CHEK1: variants seen among roughly 807,000 people sequenced by gnomAD.
CHEK1 encodes checkpoint kinase 1, also known as serine/threonine-protein kinase Chk1.
Under a neutral mutation model 60.2 loss-of-function variants are expected in CHEK1, and 32 were observed. The ratio of observed to expected loss-of-function variants is 0.53; its 90% CI spans 0.40 to 0.71. The LOEUF is 0.71. Ranked by LOEUF, CHEK1 falls within the 30% of genes least tolerant of loss-of-function variation. CHEK1 has a pLI of 0.00. For missense variants in CHEK1, 399 were observed against 564.6 expected (o/e 0.71, Z 2.97); for synonymous variants, 179 against 187.2 (o/e 0.96, Z 0.36).
intron 13 of CHEK1, among the ~76,000 whole-genome samples, chr11:125,671,290 T>C (rs1942197494): frequency 6.6e-6 from 1 of 152,190 alleles, no homozygotes; most frequent in Non-Finnish European, 1.5e-5. Context: ...AAAAAAGTTA[T>C]TAGTGTTGAC....
intron 13 of CHEK1, chr11:125,672,613 A>G (rs1942250504): frequency 6.2e-7 from 1 of 1,614,146 alleles, no homozygotes; most frequent in African/African-American, 1.3e-5. Flanking sequence ...TTGCAGAAAG[A>G]TTGATTTCGA....
At chr11:125,626,379 C>A (rs1453273638) in intron 1 of CHEK1, 3 of 431,970 alleles carry the variant, frequency 6.9e-6, no homozygotes, top group Non-Finnish European at 1.3e-5. Context: ...GTTTTCTGCC[C>A]CATACCGCTC....
rs150911002 is a variant in CHEK1, at chr11:125,663,990, G to A, written c.*27+8643G>A. ...CTTGCTTGTTTTTGTCAACTTGGTC[G>A]AAGATCAGATGGTTGTAGGTGTGCA... On this transcript the variant is annotated intron_variant, in intron 13 of 13. Coordinates refer to the CHEK1 transcript ENST00000428830. Among the ~76,000 whole-genome samples the A allele has an allele frequency of 5.5e-3, 835 of 152,110 alleles. 5 individuals are homozygous for A. Among genetic ancestry groups the A allele is most frequent in the Middle Eastern group, 0.027 (8 of 294 alleles).
chr11:125,665,938 A>G (rs1352437217), intron 13 of CHEK1, among the ~76,000 whole-genome samples: 4 of 144,714 alleles, frequency 2.8e-5, no homozygotes, highest in South Asian at 2.2e-4. Context: ...ATCTTTTCCA[A>G]AAAACAACTT....
intron 7 of CHEK1, among the ~76,000 whole-genome samples, chr11:125,637,153 G>T (rs1449831346): frequency 6.6e-6 from 1 of 152,154 alleles, no homozygotes; most frequent in Non-Finnish European, 1.5e-5. Flanking sequence ...AAATGGATAA[G>T]AGGGGTTTCT....
At chr11:125,658,943 C>T (rs1468633327), downstream of CHEK1, among the ~76,000 whole-genome samples, 1 of 152,062 alleles carries the variant, frequency 6.6e-6, no homozygotes, top group Non-Finnish European at 1.5e-5. Context: ...GCCTTGGCCT[C>T]CCAGAGTGCT....
At chr11:125,667,467 T>C (rs1406818037) in intron 13 of CHEK1, among the ~76,000 whole-genome samples, 1 of 152,236 alleles carries the variant, frequency 6.6e-6, no homozygotes, top group African/African-American at 2.4e-5. Context: ...TGTCGTACAT[T>C]GATTTTGTCA....
At chr11:125,640,247 A>C (rs1244754114) in intron 8 of CHEK1, among the ~76,000 whole-genome samples, 1 of 152,224 alleles carries the variant, frequency 6.6e-6, no homozygotes. Flanking sequence ...CAATTCATCA[A>C]TTCATGGGTT....
intron 5 of CHEK1, among the ~76,000 whole-genome samples, chr11:125,632,914 A>G (rs763960907): frequency 1.3e-5 from 2 of 152,052 alleles, no homozygotes; most frequent in Non-Finnish European, 2.9e-5. Flanking sequence ...TCTGGTCCAG[A>G]CTGTTCTGTG....
chr11:125,631,846 A>G (rs1940873155), intron 5 of CHEK1, among the ~76,000 whole-genome samples: 1 of 123,334 alleles, frequency 8.1e-6, no homozygotes, highest in Non-Finnish European at 1.6e-5. Context: ...TGGGCAGCAG[A>G]GTGAGACACT....
downstream of CHEK1, among the ~76,000 whole-genome samples, chr11:125,677,048 G>T (rs1333449131): frequency 6.6e-6 from 1 of 152,208 alleles, no homozygotes; most frequent in Non-Finnish European, 1.5e-5. Flanking sequence ...AGTTTGGGAA[G>T]CCTAAAGAAG....
At chr11:125,665,725 G>C (rs1319412575) in intron 13 of CHEK1, among the ~76,000 whole-genome samples, 4 of 151,788 alleles carry the variant, frequency 2.6e-5, no homozygotes, top group Non-Finnish European at 4.4e-5. Context: ...TTGTATCCAG[G>C]AATTTATCCA....
At chr11:125,678,978 T>TTATATATATA (rs10522682), downstream of CHEK1, among the ~76,000 whole-genome samples, 279 of 88,428 alleles carry the variant, frequency 3.2e-3, 26 homozygotes, top group Non-Finnish European at 4.2e-3. Context: ...TCTAGGCATA[T>TTATATATATA]TATATATATA....
chr11:125,655,904 T>C lies in CHEK1; in HGVS notation c.*584T>C, dbSNP rs978811178. On this transcript the variant is annotated 3_prime_UTR_variant, in exon 13 of 13. Coordinates refer to ENST00000438015, the MANE Select transcript of CHEK1 (RefSeq NM_001114122.3). ...AATTGCAAGTAGGTGTTTTTTCCAG[T>C]GTAGTTAGTAAAATACTTGTATTTT... is the stretch of plus-strand genomic sequence containing the variant. 3 of 209,366 alleles carry C rather than the reference T, an allele frequency of 1.4e-5. No individual in the cohort carries two copies. The highest frequency in any genetic ancestry group is 7.3e-5 in the East Asian group (1 of 13,752). 13.0% of individuals were successfully genotyped at this position (209,366 alleles called of 1,614,324 possible).
chr11:125,636,799 T>G (rs1179146215), intron 7 of CHEK1, among the ~76,000 whole-genome samples: 1 of 152,146 alleles, frequency 6.6e-6, no homozygotes, highest in Non-Finnish European at 1.5e-5. Flanking sequence ...ATTTTCATTT[T>G]GTTTTGCTAT....
At chr11:125,643,690 G>T (rs892417387) in intron 8 of CHEK1, 102 bp from the exon 9 acceptor site, 1 of 805,358 alleles carries the variant, frequency 1.2e-6, no homozygotes, top group South Asian at 2.0e-5. Context: ...TAAATAAATA[G>T]ATTTAGACAT....
At chr11:125,680,757 C>A, downstream of CHEK1, 2 of 1,613,760 alleles carry the variant, frequency 1.2e-6, no homozygotes, top group South Asian at 2.2e-5. Context: ...GATAAAGACT[C>A]ATTAGCAAGA....
chr11:125,660,257 G>T (rs556354330), downstream of CHEK1, among the ~76,000 whole-genome samples: 1 of 152,126 alleles, frequency 6.6e-6, no homozygotes, highest in Non-Finnish European at 1.5e-5. Context: ...ACAGGCTTCT[G>T]TATATCTCCA....
At chr11:125,678,115 T>C, downstream of CHEK1, 3 of 1,614,156 alleles carry the variant, frequency 1.9e-6, no homozygotes, top group South Asian at 1.1e-5. Flanking sequence ...TCGGCCACAG[T>C]GTGCTTGCTT....
Sources: gnomAD v4.1 joint callset for allele counts (sites outside exome capture counted in the v4.1 genomes callset) on GRCh38, gnomAD v4.1.1 for gene constraint, MANE v1.5 for transcripts, NCBI Gene and HGNC (gene_info 2026-07-23, HGNC 2026-07-21) for gene names.